Variants in GRID1 observed in about 807,000 individuals in gnomAD.
The protein encoded by GRID1 is glutamate receptor ionotropic, delta-1.
GRID1 carries 28 observed loss-of-function variants against 98.0 expected under a neutral mutation model. The observed-to-expected ratio is 0.29, with a 90% CI of 0.21 to 0.39. GRID1 has a LOEUF of 0.39. Among genes scored for constraint, GRID1 ranks in the 10% least tolerant of loss-of-function variants. The pLI is 1.00. For missense variants in GRID1, 1,111 were observed against 1,340.5 expected (o/e 0.83, Z 2.67); for synonymous variants, 553 against 538.5 (o/e 1.03, Z -0.37).
intron 5 of GRID1, among the ~76,000 whole-genome samples, chr10:85,902,836 C>A (rs1342087553): frequency 6.6e-6 from 1 of 152,172 alleles, no homozygotes; most frequent in South Asian, 2.1e-4. Flanking sequence ...GGCAGCATCA[C>A]CAGACATCAT....
At chr10:85,933,245 T>G (rs1253133271) in intron 4 of GRID1, among the ~76,000 whole-genome samples, 6 of 145,528 alleles carry the variant, frequency 4.1e-5, no homozygotes, top group African/African-American at 1.6e-4. Context: ...ACTTTGGACT[T>G]CCCAGCCTCC....
At chr10:85,965,749 G>C (rs912498670) in intron 4 of GRID1, among the ~76,000 whole-genome samples, 1 of 151,708 alleles carries the variant, frequency 6.6e-6, no homozygotes, top group East Asian at 1.9e-4. Flanking sequence ...ACAAACCTGC[G>C]TGTTCTGCAC....
At chr10:86,109,694 C>T (rs1042168235) in intron 4 of GRID1, among the ~76,000 whole-genome samples, 1 of 152,182 alleles carries the variant, frequency 6.6e-6, no homozygotes, top group Non-Finnish European at 1.5e-5. Flanking sequence ...GGCCTCCTCC[C>T]TAGGGATCTC....
At chr10:86,229,700 C>A (rs1353860203) in intron 2 of GRID1, among the ~76,000 whole-genome samples, 1 of 152,184 alleles carries the variant, frequency 6.6e-6, no homozygotes, top group Non-Finnish European at 1.5e-5. Flanking sequence ...GGCTTCAACC[C>A]TTCTGATGGC....
intron 4 of GRID1, among the ~76,000 whole-genome samples, chr10:86,116,548 G>A (rs1205872296): frequency 2.6e-5 from 4 of 152,158 alleles, no homozygotes; most frequent in African/African-American, 9.7e-5. Context: ...GGAGAACGAT[G>A]GCCATCCATA....
intron 8 of GRID1, among the ~76,000 whole-genome samples, chr10:85,817,974 T>C (rs147415517): frequency 6.6e-6 from 1 of 152,324 alleles, no homozygotes; most frequent in African/African-American, 2.4e-5. Context: ...TTGACCTAAG[T>C]AGCTTTTGGA....
At chr10:85,983,846 G>C (rs1842575961) in intron 4 of GRID1, among the ~76,000 whole-genome samples, 1 of 152,166 alleles carries the variant, frequency 6.6e-6, no homozygotes, top group Non-Finnish European at 1.5e-5. Flanking sequence ...TCACCATGGG[G>C]TCATGAGCTT....
At position 86,212,609 on chromosome 10, in the gene GRID1, C is replaced by T. The variant is rs375503191; in HGVS notation, c.236-5961G>A. ...CTCTGCCGCCCCCAAGGCTGCTCCA[C>T]GAGCCACCTCGTTCCTCCAATAATC... On this transcript the variant is annotated intron_variant, in intron 2 of 15. Coordinates refer to ENST00000327946, the MANE Select transcript of GRID1 (RefSeq NM_017551.3). Among the ~76,000 whole-genome samples the T allele has an allele frequency of 3.1e-4, 47 of 152,346 alleles. No homozygotes were observed. In the East Asian group the frequency reaches 8.5e-3, roughly 28 times the overall value.
Position 86,019,197 on chromosome 10 carries a change from T to C in GRID1, c.727-102958A>G, listed in dbSNP as rs1247119181. Among the ~76,000 whole-genome samples, 4 of 152,310 alleles carry C rather than the reference T, an allele frequency of 2.6e-5. No individual in the cohort carries two copies. The East Asian group carries it at 5.8e-4, about 22-fold the overall frequency. On this transcript the variant is annotated intron_variant, in intron 4 of 15. Transcript: ENST00000327946. ...CCACTCAGAAACACAACCAGACCAGTTTGGCATCTGCACCACAGAAGGGCC... is the reference window on the plus strand; with the variant it reads ...CCACTCAGAAACACAACCAGACCAGCTTGGCATCTGCACCACAGAAGGGCC...
At chr10:85,877,452 C>CGCTGTTCT (rs1564616157) in intron 5 of GRID1, among the ~76,000 whole-genome samples, 10 of 152,146 alleles carry the variant, frequency 6.6e-5, no homozygotes, top group Non-Finnish European at 1.5e-4. Flanking sequence ...CACCAAAATC[C>CGCTGTTCT]ACTGTTCTAC....
chr10:85,768,887 T>C (rs1212952520), intron 8 of GRID1, among the ~76,000 whole-genome samples: 1 of 152,226 alleles, frequency 6.6e-6, no homozygotes, highest in Non-Finnish European at 1.5e-5. Context: ...AATTATATTT[T>C]TAGGTATTTT....
At chr10:85,630,531 G>A (rs1298033084) in intron 13 of GRID1, among the ~76,000 whole-genome samples, 3 of 152,200 alleles carry the variant, frequency 2.0e-5, no homozygotes. Context: ...TAGTAAATTA[G>A]AAAAACTGTT....
intron 12 of GRID1, among the ~76,000 whole-genome samples, chr10:85,686,215 C>T (rs1841267357): frequency 6.6e-6 from 1 of 152,150 alleles, no homozygotes; most frequent in African/African-American, 2.4e-5. Flanking sequence ...GTCTCAGTTA[C>T]ATACACAGCC....
intron 12 of GRID1, among the ~76,000 whole-genome samples, chr10:85,658,738 C>G (rs548973652): frequency 6.8e-6 from 1 of 147,370 alleles, no homozygotes; most frequent in African/African-American, 2.7e-5. Flanking sequence ...AAGGGTGAGG[C>G]TGAGGCTGAG....
At position 86,236,356 on chromosome 10, in the gene GRID1, T is replaced by G. The variant is rs147374417; in HGVS notation, c.236-29708A>C. Among the ~76,000 whole-genome samples, 4 of 152,332 alleles carry G rather than the reference T, an allele frequency of 2.6e-5. No homozygotes were observed. In the East Asian group the frequency reaches 7.7e-4, roughly 29 times the overall value. ...ATTTCAACCTCTCAATGTCTTCACC[T>G]GCAAGTTGAAGTATGCCATAACACT... On this transcript the variant is annotated intron_variant, in intron 2 of 15. Coordinates refer to ENST00000327946, the MANE Select transcript of GRID1 (RefSeq NM_017551.3).
chr10:86,068,394 T>C (rs968430181), intron 4 of GRID1, among the ~76,000 whole-genome samples: 2 of 152,172 alleles, frequency 1.3e-5, no homozygotes, highest in South Asian at 2.1e-4. Context: ...GAGAGAAAAC[T>C]TCCCCCCACT....
chr10:85,620,818 AC>A (rs1219227104), intron 13 of GRID1, among the ~76,000 whole-genome samples: 1 of 152,210 alleles, frequency 6.6e-6, no homozygotes, highest in Non-Finnish European at 1.5e-5. Context: ...ACATATATGC[AC>A]CCATAAATAT....
At chr10:86,359,307 T>C (rs1013079065) in intron 2 of GRID1, among the ~76,000 whole-genome samples, 1 of 152,146 alleles carries the variant, frequency 6.6e-6, no homozygotes, top group Non-Finnish European at 1.5e-5. Context: ...TTCTCTATAA[T>C]TCTGAATGGA....
chr10:86,140,759 G>A (rs1301479131), intron 3 of GRID1, among the ~76,000 whole-genome samples: 1 of 152,200 alleles, frequency 6.6e-6, no homozygotes, highest in Non-Finnish European at 1.5e-5. Context: ...GAGCCTGAGG[G>A]GCTGTCTGTA....
Sources: allele counts gnomAD v4.1 joint callset (sites outside exome capture counted in the v4.1 genomes callset), GRCh38; gene constraint gnomAD v4.1.1; transcripts MANE v1.5; gene names NCBI Gene and HGNC (gene_info 2026-07-23, HGNC 2026-07-21).